Variants in LHFPL2 observed in about 807,000 individuals in gnomAD.
LHFPL2 encodes LHFPL tetraspan subfamily member 2 protein.
A neutral mutation model predicts 17.5 loss-of-function variants in LHFPL2; 7 were observed. The observed-to-expected ratio is 0.40, with a 90% CI of 0.23 to 0.75. LHFPL2 has a LOEUF of 0.75. Ranked by LOEUF, LHFPL2 falls within the 30% of genes least tolerant of loss-of-function variation. The pLI, the probability that LHFPL2 is intolerant of heterozygous loss-of-function variation, is 0.37. For synonymous variants in LHFPL2, 134 were observed against 116.2 expected (o/e 1.15, Z -0.99); for missense variants, 241 against 294.8 (o/e 0.82, Z 1.34).
chr5:78,644,085 CA>C (rs1745774953), intron 1 of LHFPL2, among the ~76,000 whole-genome samples: 1 of 151,958 alleles, frequency 6.6e-6, no homozygotes, highest in South Asian at 2.1e-4. Flanking sequence ...AATAAAATAC[CA>C]CCAGCACAGG....
chr5:78,645,981 CT>C (rs1389768350), intron 1 of LHFPL2, among the ~76,000 whole-genome samples: 2 of 152,170 alleles, frequency 1.3e-5, no homozygotes, highest in African/African-American at 4.8e-5. Context: ...TAAAATGTTG[CT>C]TTTAAGAGTC....
intron 4 of LHFPL2, among the ~76,000 whole-genome samples, chr5:78,505,323 T>C (rs990570826): frequency 2.0e-5 from 3 of 152,210 alleles, no homozygotes; most frequent in Non-Finnish European, 4.4e-5. Flanking sequence ...GCCAAGTCCT[T>C]GGACAAGTTC....
intron 1 of LHFPL2, chr5:78,642,045 C>CA (rs1745684830): frequency 6.6e-6 from 1 of 152,124 alleles, no homozygotes; most frequent in Admixed American, 6.5e-5. Flanking sequence ...ATTAAGGTGC[C>CA]AGGAGATTTG....
At chr5:78,543,817 A>G (rs1756185149) in intron 3 of LHFPL2, among the ~76,000 whole-genome samples, 1 of 152,390 alleles carries the variant, frequency 6.6e-6, no homozygotes, top group South Asian at 2.1e-4. Flanking sequence ...TAGGAAGATT[A>G]GAGCAAGACA....
intron 3 of LHFPL2, among the ~76,000 whole-genome samples, chr5:78,534,419 C>T (rs183740256): frequency 6.6e-6 from 1 of 152,186 alleles, no homozygotes; most frequent in Non-Finnish European, 1.5e-5. Flanking sequence ...CAGGCTCCCC[C>T]ACAAAGGACA....
intron 4 of LHFPL2, among the ~76,000 whole-genome samples, chr5:78,508,980 T>C (rs567036304): frequency 2.6e-5 from 4 of 152,220 alleles, no homozygotes; most frequent in Non-Finnish European, 5.9e-5. Flanking sequence ...TGTTACCCCA[T>C]TGGTTCAGGA....
At chr5:78,581,774 G>C (rs1240383604) in intron 2 of LHFPL2, among the ~76,000 whole-genome samples, 1 of 152,156 alleles carries the variant, frequency 6.6e-6, no homozygotes, top group African/African-American at 2.4e-5. Context: ...GCCTCTACCC[G>C]GCTTTGGTAT....
chr5:78,618,505 G>C (rs1017007725), intron 2 of LHFPL2, among the ~76,000 whole-genome samples: 7 of 152,204 alleles, frequency 4.6e-5, no homozygotes, highest in African/African-American at 1.7e-4. Flanking sequence ...GCTGGGTCCA[G>C]ATAAGAACAT....
chr5:78,578,178 G>A (rs1415912171), intron 2 of LHFPL2, among the ~76,000 whole-genome samples: 1 of 152,154 alleles, frequency 6.6e-6, no homozygotes, highest in East Asian at 1.9e-4. Flanking sequence ...TTCTGGCATG[G>A]TCCTCTGTAC....
chr5:78,526,399 C>A (rs988468971), intron 3 of LHFPL2, among the ~76,000 whole-genome samples: 5 of 152,192 alleles, frequency 3.3e-5, no homozygotes, highest in African/African-American at 4.8e-5. Context: ...ATTGAAAACA[C>A]CTCCTAATTA....
intron 3 of LHFPL2, among the ~76,000 whole-genome samples, chr5:78,531,537 A>G: frequency 6.6e-6 from 1 of 152,178 alleles, no homozygotes; most frequent in East Asian, 1.9e-4. Flanking sequence ...ATACTGAAAT[A>G]AAACATTCTT....
chr5:78,510,245 G>A lies in LHFPL2; in HGVS notation c.-32C>T, dbSNP rs200870905. ...GTTCCGGGCGAAGAAAGAGTCAGGA[G>A]TCCACGGAGTTAATCAAAACAAGAA... On this transcript the variant is annotated 5_prime_UTR_variant, in exon 4 of 5. Transcript: ENST00000380345. 12 of 1,539,066 alleles carry A rather than the reference G, an allele frequency of 7.8e-6. No homozygotes were observed. The African/African-American group carries it at 1.5e-4, about 19-fold the overall frequency.
At chr5:78,542,688 A>G (rs1756150028) in intron 3 of LHFPL2, among the ~76,000 whole-genome samples, 1 of 152,116 alleles carries the variant, frequency 6.6e-6, no homozygotes, top group Admixed American at 6.5e-5. Flanking sequence ...TCTCCCACTG[A>G]AAGGGGTCTG....
rs139438265 is a variant in LHFPL2, at chr5:78,590,801, T to C, written c.-244-25930A>G. 1.8e-3 allele frequency among the ~76,000 whole-genome samples: 272 copies of C among 152,352 alleles called. 1 individual carries two copies. Among genetic ancestry groups the C allele is most frequent in the African/African-American group, 6.1e-3 (252 of 41,576 alleles). On this transcript the variant is annotated intron_variant, in intron 2 of 4. Transcript: ENST00000380345. Reference sequence around the variant, plus strand: ...AATGTAGAACAGCGTAAAGTCATAATACGTCTCTAGAAGATGTTCTCTAAA... The same window carrying C: ...AATGTAGAACAGCGTAAAGTCATAACACGTCTCTAGAAGATGTTCTCTAAA...
At chr5:78,641,116 C>G (rs937980264) in intron 1 of LHFPL2, among the ~76,000 whole-genome samples, 1 of 152,154 alleles carries the variant, frequency 6.6e-6, no homozygotes, top group African/African-American at 2.4e-5. Flanking sequence ...AGATGAAGAC[C>G]TGGGAACCAC....
At chr5:78,550,860 C>T (rs10050467) in intron 3 of LHFPL2, among the ~76,000 whole-genome samples, 58,925 of 152,074 alleles carry the variant, frequency 0.39, 11,859 homozygotes, top group Middle Eastern at 0.48. Context: ...CGTCAGTCAC[C>T]GTGCCCAGCC....
chr5:78,582,986 T>C (rs1743206356), intron 2 of LHFPL2, among the ~76,000 whole-genome samples: 1 of 152,222 alleles, frequency 6.6e-6, no homozygotes, highest in African/African-American at 2.4e-5. Context: ...TGGGTGCATA[T>C]ATATTTAGGA....
chr5:78,501,457 G>T (rs1754770571), intron 4 of LHFPL2, among the ~76,000 whole-genome samples: 1 of 152,106 alleles, frequency 6.6e-6, no homozygotes, highest in Non-Finnish European at 1.5e-5. Flanking sequence ...AGTGTAGAGG[G>T]TACCTGCGTT....
intron 3 of LHFPL2, among the ~76,000 whole-genome samples, chr5:78,523,941 G>T (rs1377967794): frequency 2.7e-5 from 4 of 149,202 alleles, no homozygotes; most frequent in Non-Finnish European, 6.0e-5. Flanking sequence ...GAGGGGCTGG[G>T]CAGGGGGCTG....
Sources: gnomAD v4.1 joint callset for allele counts (sites outside exome capture counted in the v4.1 genomes callset) on GRCh38, gnomAD v4.1.1 for gene constraint, MANE v1.5 for transcripts, NCBI Gene and HGNC (gene_info 2026-07-23, HGNC 2026-07-21) for gene names.